Variants in SYCP2L observed in about 807,000 individuals in gnomAD.
SYCP2L encodes synaptonemal complex protein 2-like.
In SYCP2L, 98 loss-of-function variants were observed where a neutral mutation model predicts 125.8. The ratio of observed to expected loss-of-function variants is 0.78; its 90% CI spans 0.66 to 0.92. The LOEUF is 0.92. SYCP2L is among the 40% of genes least tolerant of loss of function. The pLI, the probability that SYCP2L is intolerant of heterozygous loss-of-function variation, is 0.00. For missense variants in SYCP2L, 842 were observed against 936.4 expected (o/e 0.90, Z 1.32); for synonymous variants, 317 against 325.4 (o/e 0.97, Z 0.28).
At chr6:10,928,534 G>C (rs1485364985) in intron 18 of SYCP2L, 84 bp downstream of exon 18, 1 of 1,437,820 alleles carries the variant, frequency 7.0e-7, no homozygotes, top group African/African-American at 1.5e-5. Flanking sequence ...CTGGTTCATG[G>C]ACCATTTTCT....
intron 8 of SYCP2L, among the ~76,000 whole-genome samples, chr6:10,905,168 A>AAAAAAAAAAAAT (rs1780464346): frequency 7.5e-6 from 1 of 133,728 alleles, no homozygotes. Flanking sequence ...AAAAAAAAAG[A>AAAAAAAAAAAAT]AGAAGATCGA....
chr6:10,945,769 TAAAAA>T (rs56943517), intron 23 of SYCP2L, among the ~76,000 whole-genome samples: 26 of 93,260 alleles, frequency 2.8e-4, no homozygotes, highest in East Asian at 2.0e-3. Context: ...GACTCCATCT[TAAAAA>T]AAAAAAAAAA....
intron 8 of SYCP2L, among the ~76,000 whole-genome samples, chr6:10,904,453 G>A (rs1012466953): frequency 2.0e-5 from 3 of 152,186 alleles, no homozygotes; most frequent in Admixed American, 6.5e-5. Context: ...CACTGCTGTC[G>A]TGTTTGTCCA....
chr6:10,970,483 G>A (rs1180128801), intron 29 of SYCP2L, among the ~76,000 whole-genome samples: 1 of 152,216 alleles, frequency 6.6e-6, no homozygotes, highest in African/African-American at 2.4e-5. Flanking sequence ...GTATGTTTCA[G>A]GGTGGGGAAT....
chr6:10,899,947 C>T (rs1376517860), intron 6 of SYCP2L, among the ~76,000 whole-genome samples: 1 of 152,174 alleles, frequency 6.6e-6, no homozygotes, highest in Admixed American at 6.5e-5. Context: ...TTAAAATAAA[C>T]TTGCTTTGTA....
intron 21 of SYCP2L, among the ~76,000 whole-genome samples, chr6:10,936,326 G>A (rs922446864): frequency 5.3e-5 from 8 of 152,038 alleles, no homozygotes; most frequent in African/African-American, 1.9e-4. Context: ...GTGAAACCTC[G>A]TCTCTACTAA....
intron 21 of SYCP2L, among the ~76,000 whole-genome samples, chr6:10,937,314 A>G (rs1781116487): frequency 6.6e-6 from 1 of 152,224 alleles, no homozygotes; most frequent in Admixed American, 6.5e-5. Context: ...TCACAAATAC[A>G]TGGAAATTAA....
At chr6:10,949,572 T>C (rs780267584) in intron 23 of SYCP2L, among the ~76,000 whole-genome samples, 14 of 152,174 alleles carry the variant, frequency 9.2e-5, no homozygotes, top group Non-Finnish European at 1.8e-4. Context: ...TATGTACTTA[T>C]CTATATCCTT....
chr6:10,964,027 G>A (rs577530406), intron 29 of SYCP2L, among the ~76,000 whole-genome samples, 184 bp downstream of exon 29: 26 of 149,492 alleles, frequency 1.7e-4, no homozygotes, highest in Middle Eastern at 3.5e-3. Flanking sequence ...GCATGATCTC[G>A]GCTCACTGCA....
At chr6:10,958,462 C>T (rs966232047) in intron 25 of SYCP2L, among the ~76,000 whole-genome samples, 3 of 152,138 alleles carry the variant, frequency 2.0e-5, no homozygotes, top group Non-Finnish European at 2.9e-5. Context: ...AATCCGCCCC[C>T]GTGACCCGAA....
intron 6 of SYCP2L, among the ~76,000 whole-genome samples, chr6:10,902,170 G>A (rs959285548): frequency 6.6e-6 from 1 of 152,220 alleles, no homozygotes; most frequent in African/African-American, 2.4e-5. Flanking sequence ...TAACAGAGGA[G>A]TGGGGAAGGA....
In SYCP2L at chr6:10,928,470, C is replaced by T. The variant is rs1780937184; in HGVS notation, c.1488+20C>T. The T allele has an allele frequency of 6.4e-7, 1 of 1,569,208 alleles. No homozygotes were observed. The highest frequency in any genetic ancestry group is 1.9e-5 in the Admixed American group (1 of 53,158). Reference sequence around the variant, plus strand: ...CAACCTGTGAGTACAGGGAGTGGGGCTCAAGTTTCTTATCTGTCTCCAGTG... The same window carrying T: ...CAACCTGTGAGTACAGGGAGTGGGGTTCAAGTTTCTTATCTGTCTCCAGTG... On this transcript the variant is annotated intron_variant, in intron 18 of 29. Transcript: ENST00000283141.
chr6:10,963,085 G>A (rs76025220), intron 28 of SYCP2L, among the ~76,000 whole-genome samples: 1,717 of 152,166 alleles, frequency 0.011, 40 homozygotes, highest in African/African-American at 0.039. Context: ...CCCAATATTA[G>A]GCAACTCTCT....
chr6:10,888,115 G>T (rs1459371864), intron 1 of SYCP2L, among the ~76,000 whole-genome samples: 2 of 67,290 alleles, frequency 3.0e-5, no homozygotes, highest in Non-Finnish European at 5.4e-5. Context: ...TTTTTTTTTT[G>T]AGACGGAGTC....
intron 23 of SYCP2L, among the ~76,000 whole-genome samples, chr6:10,953,282 G>A (rs779245076): frequency 2.6e-5 from 4 of 151,994 alleles, no homozygotes; most frequent in Non-Finnish European, 4.4e-5. Context: ...AGATCTTAAA[G>A]TGCTAAATAT....
chr6:10,927,264 T>C lies in SYCP2L; in HGVS notation c.1337T>C (p.Met446Thr), dbSNP rs1341420377. The change falls in exon 17 of 30, where the codon ATG (methionine) becomes ACG (threonine). Residue 446 changes from methionine (M) to threonine (T), a missense_variant. Transcript: ENST00000283141. ...ETEQAEESTNMVEFMSAEDDR... is the reference protein window; with the variant it reads ...ETEQAEESTNTVEFMSAEDDR... ...GAGCAGGCAGAAGAATCCACTAACATGGTGGAGTTTATGAGTGCTGAAGAT... is the reference window on the plus strand; with the variant it reads ...GAGCAGGCAGAAGAATCCACTAACACGGTGGAGTTTATGAGTGCTGAAGAT... 1.9e-6 allele frequency: 3 copies of C among 1,614,188 alleles called. No individual in the cohort carries two copies. The highest frequency in any genetic ancestry group is 2.5e-6 in the Non-Finnish European group (3 of 1,180,020).
chr6:10,931,696 G>T (rs1459879190), intron 20 of SYCP2L, among the ~76,000 whole-genome samples: 1 of 152,212 alleles, frequency 6.6e-6, no homozygotes, highest in East Asian at 1.9e-4. Context: ...TGGGTGTGGT[G>T]GCTCACGCCT....
In SYCP2L at chr6:10,958,818, A is replaced by G; in HGVS notation, c.2198A>G (p.Asn733Ser). The G allele has an allele frequency of 6.2e-7, 1 of 1,613,798 alleles. No individual in the cohort carries two copies. Among genetic ancestry groups the G allele is most frequent in the Non-Finnish European group, 8.5e-7 (1 of 1,179,924 alleles). The change falls in exon 26 of 30, where the codon AAT (asparagine) becomes AGT (serine). Residue 733 changes from asparagine (N) to serine (S), a missense_variant. Transcript: ENST00000283141. ...RYRKRPFNSENAKKAPDCLIK... is the reference protein window; with the variant it reads ...RYRKRPFNSESAKKAPDCLIK... ...AGAAAGCGTCCGTTTAATTCAGAAAATGCAAAGAAAGCACCGGATTGCCTA... is the reference window on the plus strand; with the variant it reads ...AGAAAGCGTCCGTTTAATTCAGAAAGTGCAAAGAAAGCACCGGATTGCCTA...
At chr6:10,953,893 G>A (rs1166906695) in intron 23 of SYCP2L, among the ~76,000 whole-genome samples, 1 of 152,146 alleles carries the variant, frequency 6.6e-6, no homozygotes, top group Admixed American at 6.5e-5. Context: ...AGAAATCCTT[G>A]GTGCAGATCT....
Sources: allele counts gnomAD v4.1 joint callset (sites outside exome capture counted in the v4.1 genomes callset), GRCh38; gene constraint gnomAD v4.1.1; transcripts MANE v1.5; gene names NCBI Gene and HGNC (gene_info 2026-07-23, HGNC 2026-07-21).